Variants in SNX29 observed in about 807,000 individuals in gnomAD.
The protein encoded by SNX29 is sorting nexin-29.
In SNX29, 78 loss-of-function variants were observed where a neutral mutation model predicts 102.1. That is an observed-to-expected ratio of 0.76 (90% confidence interval 0.64 to 0.92). The LOEUF (loss-of-function observed/expected upper bound fraction) is 0.92. Ranked by LOEUF, SNX29 falls within the 40% of genes least tolerant of loss-of-function variation. The pLI, the probability that SNX29 is intolerant of heterozygous loss-of-function variation, is 0.00. For missense variants in SNX29, 1,280 were observed against 1,061.7 expected (o/e 1.21, Z -2.86); for synonymous variants, 580 against 414.5 (o/e 1.40, Z -4.85).
At chr16:12,543,848 C>G (rs191558748) in intron 20 of SNX29, among the ~76,000 whole-genome samples, 106 of 152,324 alleles carry the variant, frequency 7.0e-4, no homozygotes, top group African/African-American at 2.5e-3. Flanking sequence ...AAGAGAGAAG[C>G]CAGTGGTGGA....
At position 12,568,213 on chromosome 16, in the gene SNX29, C is replaced by G. The variant is rs369466375; in HGVS notation, c.2319-293C>G. On this transcript the variant is annotated intron_variant, in intron 20 of 20. Transcript: ENST00000566228. ...GGAAGAAAGCTGTGCCTAGAACATT[C>G]TTTCATAGCCTTAAAATGTAGACCG... Among the ~76,000 whole-genome samples the G allele has an allele frequency of 2.0e-5, 3 of 151,538 alleles. No individual in the cohort carries two copies. The East Asian group carries it at 5.9e-4, about 30-fold the overall frequency.
At chr16:12,000,973 C>A (rs2056266665) in intron 2 of SNX29, among the ~76,000 whole-genome samples, 1 of 152,172 alleles carries the variant, frequency 6.6e-6, no homozygotes, top group Admixed American at 6.6e-5. Context: ...CCTCTGTTAA[C>A]ATGGTAACAT....
At chr16:12,478,350 A>G (rs1455127259) in intron 19 of SNX29, among the ~76,000 whole-genome samples, 1 of 152,212 alleles carries the variant, frequency 6.6e-6, no homozygotes, top group African/African-American at 2.4e-5. Context: ...AGTTGTCATG[A>G]TGTTCACTTC....
chr16:12,152,054 A>G (rs2055324389), intron 13 of SNX29, among the ~76,000 whole-genome samples: 1 of 152,166 alleles, frequency 6.6e-6, no homozygotes, highest in South Asian at 2.1e-4. Context: ...CCGCATCTCT[A>G]CAAAAAATAT....
chr16:12,560,567 C>G (rs1466198711), intron 20 of SNX29, among the ~76,000 whole-genome samples: 1 of 152,170 alleles, frequency 6.6e-6, no homozygotes, highest in African/African-American at 2.4e-5. Context: ...CAGTGTGATT[C>G]CTTGGGGTCT....
Position 12,569,799 on chromosome 16 carries a change from TCAG to T in SNX29, c.*1173_*1175del, listed in dbSNP as rs1318063880. The T allele has an allele frequency of 3.0e-5, 7 of 230,294 alleles. No homozygotes were observed. The highest frequency in any genetic ancestry group is 1.5e-4 in the African/African-American group (7 of 45,168). 14.3% of individuals were successfully genotyped at this position (230,294 alleles called of 1,614,324 possible). On this transcript the variant is annotated 3_prime_UTR_variant, in exon 21 of 21. Transcript: ENST00000566228. Reference sequence around the variant, plus strand: ...CAGAGCAATAGCCGTCCTCAGATGCTCAGCAAAGTTGTGGCAGTTTGCATTTCT... The same window carrying T: ...CAGAGCAATAGCCGTCCTCAGATGCTCAAAGTTGTGGCAGTTTGCATTTCT...
chr16:12,095,262 T>G (rs2052720277), intron 11 of SNX29: 1 of 152,178 alleles, frequency 6.6e-6, no homozygotes, highest in Non-Finnish European at 1.5e-5. Flanking sequence ...TACTCTTGAG[T>G]TAATTTCGTT....
intron 13 of SNX29, among the ~76,000 whole-genome samples, chr16:12,196,443 C>T (rs373429819): frequency 1.3e-5 from 2 of 152,046 alleles, no homozygotes; most frequent in Non-Finnish European, 2.9e-5. Flanking sequence ...CCACTACATA[C>T]GTATGGATCT....
chr16:12,272,258 G>A (rs1240669815), intron 14 of SNX29, among the ~76,000 whole-genome samples: 2 of 152,158 alleles, frequency 1.3e-5, no homozygotes, highest in African/African-American at 2.4e-5. Flanking sequence ...AGTGCCTTGG[G>A]GACAGGAGGC....
chr16:12,009,050 G>A (rs2056557563), intron 3 of SNX29, among the ~76,000 whole-genome samples: 1 of 152,044 alleles, frequency 6.6e-6, no homozygotes, highest in Non-Finnish European at 1.5e-5. Flanking sequence ...CCTATGTTTA[G>A]TTTTAAGGCT....
intron 12 of SNX29, 101 bp from the exon 13 acceptor site, chr16:12,129,529 A>G (rs1596995398): frequency 2.0e-5 from 28 of 1,406,466 alleles, no homozygotes; most frequent in East Asian, 2.6e-5. Context: ...GCCTTGTGGA[A>G]AACGCATGGC....
intron 11 of SNX29, among the ~76,000 whole-genome samples, chr16:12,104,384 C>T (rs1328520414): frequency 6.6e-6 from 1 of 151,990 alleles, no homozygotes; most frequent in Non-Finnish European, 1.5e-5. Context: ...GGTGAAACCC[C>T]ATCTCTACTA....
intron 15 of SNX29, among the ~76,000 whole-genome samples, chr16:12,287,295 T>C (rs1200829546): frequency 6.6e-6 from 1 of 152,210 alleles, no homozygotes; most frequent in Non-Finnish European, 1.5e-5. Context: ...CAGCATGGTC[T>C]CCTTTACAAA....
chr16:12,071,914 T>C (rs1389681801), intron 10 of SNX29, among the ~76,000 whole-genome samples: 1 of 152,220 alleles, frequency 6.6e-6, no homozygotes, highest in East Asian at 1.9e-4. Flanking sequence ...TTCGTAAGTA[T>C]TTTATTCTCT....
At chr16:12,410,152 G>A (rs558653794) in intron 18 of SNX29, among the ~76,000 whole-genome samples, 69 of 152,164 alleles carry the variant, frequency 4.5e-4, no homozygotes, top group African/African-American at 1.4e-3. Flanking sequence ...CCATCACCAC[G>A]CCTGGCTAAT....
intron 15 of SNX29, among the ~76,000 whole-genome samples, chr16:12,325,203 A>C (rs1165093179): frequency 6.6e-6 from 1 of 152,204 alleles, no homozygotes; most frequent in Non-Finnish European, 1.5e-5. Flanking sequence ...TTTTGACTAT[A>C]GCCCTTCCAG....
intron 15 of SNX29, among the ~76,000 whole-genome samples, chr16:12,331,091 C>T (rs902503972): frequency 1.3e-5 from 2 of 152,222 alleles, no homozygotes; most frequent in South Asian, 4.1e-4. Flanking sequence ...CTGTGGATTG[C>T]ACCCCATGGG....
At chr16:12,017,178 A>C (rs925438251) in intron 3 of SNX29, among the ~76,000 whole-genome samples, 5 of 152,190 alleles carry the variant, frequency 3.3e-5, no homozygotes, top group Admixed American at 1.3e-4. Context: ...AGAAAGGTAT[A>C]GCAATTCATA....
At chr16:12,190,416 G>A (rs988141383) in intron 13 of SNX29, among the ~76,000 whole-genome samples, 3 of 152,214 alleles carry the variant, frequency 2.0e-5, no homozygotes, top group Non-Finnish European at 2.9e-5. Context: ...ATTAAAGTAT[G>A]AGACTTGTTA....
Sources: allele counts gnomAD v4.1 joint callset (sites outside exome capture counted in the v4.1 genomes callset), GRCh38; gene constraint gnomAD v4.1.1; transcripts MANE v1.5; gene names NCBI Gene and HGNC (gene_info 2026-07-23, HGNC 2026-07-21).